PCDHA11: variants seen among roughly 807,000 people sequenced by gnomAD.
PCDHA11 encodes the protein protocadherin alpha-11.
PCDHA11 carries 61 observed loss-of-function variants against 70.3 expected under a neutral mutation model. That is an observed-to-expected ratio of 0.87 (90% CI 0.71 to 1.07). The LOEUF (loss-of-function observed/expected upper bound fraction) is 1.07, where lower values mean the gene tolerates loss of function less well. Ranked by LOEUF, PCDHA11 falls within the 50% of genes least tolerant of loss-of-function variation. The pLI is 0.00. For missense variants in PCDHA11, 1,324 were observed against 1,237.5 expected, an observed-to-expected ratio of 1.07 and a Z score of -1.05; for synonymous variants, 633 against 555.1, an observed-to-expected ratio of 1.14 and a Z score of -1.97.
intron 3 of PCDHA11, among the ~76,000 whole-genome samples, chr5:140,998,767 T>C (rs367972918): frequency 5.3e-5 from 8 of 152,312 alleles, no homozygotes; most frequent in African/African-American, 1.9e-4. Flanking sequence ...TTTCACTATG[T>C]TGGTCAGGCT....
chr5:140,995,498 CTG>C (rs1554254703), intron 3 of PCDHA11, among the ~76,000 whole-genome samples: 5 of 152,150 alleles, frequency 3.3e-5, no homozygotes, highest in Non-Finnish European at 5.9e-5. Context: ...CTAAGGTTGA[CTG>C]TGGGTAACTG....
chr5:140,938,268 T>C (rs2091998417), intron 1 of PCDHA11, among the ~76,000 whole-genome samples: 1 of 152,190 alleles, frequency 6.6e-6, no homozygotes, highest in Non-Finnish European at 1.5e-5. Context: ...TCTAATCACA[T>C]AGTTTTCTTG....
chr5:140,925,320 C>T (rs1201662507), intron 1 of PCDHA11, among the ~76,000 whole-genome samples: 1 of 152,016 alleles, frequency 6.6e-6, no homozygotes, highest in Non-Finnish European at 1.5e-5. Context: ...ACATATTGCA[C>T]CTGTATTAAA....
At chr5:140,884,301 C>G (rs375535055) in intron 1 of PCDHA11, 2 of 1,613,726 alleles carry the variant, frequency 1.2e-6, no homozygotes, top group South Asian at 1.1e-5. Context: ...GCGCCACAGG[C>G]TTCGTCGAGG....
intron 1 of PCDHA11, among the ~76,000 whole-genome samples, chr5:140,907,480 C>A (rs1300090409): frequency 6.6e-6 from 1 of 152,212 alleles, no homozygotes; most frequent in Admixed American, 6.5e-5. Flanking sequence ...GCAGGATAGG[C>A]AAACCCATAT....
At chr5:140,993,103 G>A (rs2097540365) in intron 3 of PCDHA11, among the ~76,000 whole-genome samples, 1 of 152,218 alleles carries the variant, frequency 6.6e-6, no homozygotes, top group East Asian at 1.9e-4. Context: ...TTTATTCAGC[G>A]GTCAGTGTCA....
chr5:140,903,023 G>A (rs1554190732), intron 1 of PCDHA11, among the ~76,000 whole-genome samples: 1 of 152,126 alleles, frequency 6.6e-6, no homozygotes, highest in East Asian at 1.9e-4. Context: ...TATCAACATG[G>A]CTTGCACATG....
At chr5:140,871,789 AAAT>A (rs2053309848) in intron 1 of PCDHA11, among the ~76,000 whole-genome samples, 1 of 152,254 alleles carries the variant, frequency 6.6e-6, no homozygotes, top group Non-Finnish European at 1.5e-5. Context: ...ACTTGAGTAG[AAAT>A]AATTACTATT....
intron 3 of PCDHA11, among the ~76,000 whole-genome samples, chr5:140,992,799 A>T (rs577698123): frequency 6.6e-6 from 1 of 152,274 alleles, no homozygotes; most frequent in African/African-American, 2.4e-5. Flanking sequence ...TTATGGATCC[A>T]TATGTATCTA....
intron 1 of PCDHA11, chr5:140,877,875 C>A: frequency 6.8e-7 from 1 of 1,475,090 alleles, no homozygotes; most frequent in Non-Finnish European, 9.0e-7. Context: ...TATTTGTTTC[C>A]TTGAAGAACT....
chr5:140,965,678 T>C (rs937496921), intron 1 of PCDHA11, among the ~76,000 whole-genome samples: 1 of 152,182 alleles, frequency 6.6e-6, no homozygotes, highest in Non-Finnish European at 1.5e-5. Context: ...ATGTAAAAGA[T>C]TTGAAGCAAG....
At chr5:140,971,207 A>C (rs2096463327) in intron 1 of PCDHA11, among the ~76,000 whole-genome samples, 1 of 152,050 alleles carries the variant, frequency 6.6e-6, no homozygotes, top group South Asian at 2.1e-4. Flanking sequence ...AGACACTGTT[A>C]CCCTCCCTCT....
chr5:140,869,258 TG>T lies in PCDHA11; in HGVS notation c.159del (p.Leu54TrpfsTer24). 1 of 1,613,558 alleles carries T rather than the reference TG, an allele frequency of 6.2e-7. No individual in the cohort carries two copies. The highest frequency in any genetic ancestry group is 8.5e-7 in the Non-Finnish European group (1 of 1,179,948). The stretch of plus-strand genomic sequence containing the variant: ...TTCGTGGGCCGCATCGCGCAGGACC[TG>T]GGGCTGGAGCTGGCGGAGCTGGTGC... The part of the protein sequence containing the change: ...GTFVGRIAQD[L>X]GLELAELVQR... On this transcript the variant is annotated frameshift_variant, in exon 1 of 4. Coordinates refer to ENST00000398640, the MANE Select transcript of PCDHA11 (RefSeq NM_018902.5). LOFTEE classifies it high-confidence loss of function.
chr5:141,009,494 A>G (rs1554262180), intron 3 of PCDHA11, 133 bp from the exon 4 acceptor site: 16 of 1,488,800 alleles, frequency 1.1e-5, no homozygotes, highest in Non-Finnish European at 1.4e-5. Flanking sequence ...TTGCCCTCAG[A>G]CTTGAACAAA....
chr5:140,990,754 G>A (rs3822343), intron 3 of PCDHA11, among the ~76,000 whole-genome samples: 7,419 of 152,246 alleles, frequency 0.049, 237 homozygotes, highest in South Asian at 0.11. Flanking sequence ...GGATACCTTT[G>A]AGCCTGTAAA....
intron 1 of PCDHA11, among the ~76,000 whole-genome samples, chr5:140,901,222 C>A (rs1336015424): frequency 6.6e-6 from 1 of 151,984 alleles, no homozygotes; most frequent in Admixed American, 6.6e-5. Context: ...TGATGTGATC[C>A]CATATATCCA....
intron 1 of PCDHA11, among the ~76,000 whole-genome samples, chr5:140,889,687 T>C (rs1190333599): frequency 1.3e-5 from 2 of 152,198 alleles, no homozygotes; most frequent in African/African-American, 4.8e-5. Context: ...AACCTTTTAG[T>C]ATTATGGGCA....
rs563698448 is a variant in PCDHA11 at position 140,899,116 on chromosome 5, T to G, written c.2391+27622T>G. On this transcript the variant is annotated intron_variant, in intron 1 of 3. Transcript: ENST00000398640. ...CTGAGATAATGGGGTTTTCTAGATA[T>G]ACAATCATGTCTTCTGCAAACAGGG... 5.8e-3 allele frequency among the ~76,000 whole-genome samples: 880 copies of G among 152,244 alleles called. 11 individuals are homozygous for G. Among genetic ancestry groups the G allele is most frequent in the African/African-American group, 0.019 (802 of 41,486 alleles).
At chr5:141,005,311 A>C (rs2098206135) in intron 3 of PCDHA11, among the ~76,000 whole-genome samples, 6 of 152,310 alleles carry the variant, frequency 3.9e-5, no homozygotes, top group Middle Eastern at 6.8e-3. Flanking sequence ...TGAATCTTAC[A>C]GTGGTAGAGA....
Sources: gnomAD v4.1 joint callset for allele counts (sites outside exome capture counted in the v4.1 genomes callset) on GRCh38, gnomAD v4.1.1 for gene constraint, MANE v1.5 for transcripts, NCBI Gene and HGNC (gene_info 2026-07-23, HGNC 2026-07-21) for gene names.